Variants in NOL10 observed in about 807,000 individuals in gnomAD.
NOL10 encodes the protein nucleolar protein 10, also known as H_NH0074G24.1.
In NOL10, 58 loss-of-function variants were observed where a neutral mutation model predicts 103.5. The ratio of observed to expected loss-of-function variants is 0.56; its 90% CI spans 0.45 to 0.70. The LOEUF is 0.70. NOL10 is among the 30% of genes least tolerant of loss of function. NOL10 has a pLI of 0.00. For synonymous variants in NOL10, 287 were observed against 282.5 expected (o/e 1.02, Z -0.16); for missense variants, 763 against 807.3 (o/e 0.95, Z 0.67).
chr2:10,682,675 C>T (rs1490605798), intron 2 of NOL10, among the ~76,000 whole-genome samples: 1 of 152,100 alleles, frequency 6.6e-6, no homozygotes, highest in Non-Finnish European at 1.5e-5. Context: ...TCTGGGATTG[C>T]AGGAGTGAGC....
rs1674199002 is a variant in NOL10, at chr2:10,571,941, T to A, written c.*130A>T. On this transcript the variant is annotated 3_prime_UTR_variant, in exon 21 of 21. Transcript: ENST00000381685. ...CACAAGGCACAGGTTTTCAAATCTT[T>A]ACCTCTGTGTACAAGAACGTACATG... The A allele has an allele frequency of 2.7e-6, 3 of 1,131,476 alleles. No individual in the cohort carries two copies. The highest frequency in any genetic ancestry group is 2.4e-5 in the Admixed American group (1 of 40,848). 70.1% of individuals were successfully genotyped at this position (1,131,476 alleles called of 1,614,324 possible).
rs546413961 is a variant in NOL10 at position 10,620,452 on chromosome 2, T to C, written c.1027-13141A>G. Among the ~76,000 whole-genome samples the C allele has an allele frequency of 5.3e-5, 8 of 152,334 alleles. No individual in the cohort carries two copies. The South Asian group carries it at 1.5e-3, about 28-fold the overall frequency. On this transcript the variant is annotated intron_variant, in intron 13 of 20. Transcript: ENST00000381685. The stretch of plus-strand genomic sequence containing the variant: ...TTAACACCATTTAGCAGTTACCGAT[T>C]ATCTTGGGGAGGCGGTCATGCACGG...
chr2:10,624,799 T>C (rs182539802), intron 13 of NOL10, among the ~76,000 whole-genome samples: 36 of 152,296 alleles, frequency 2.4e-4, no homozygotes, highest in African/African-American at 8.4e-4. Context: ...TGAAAACTTA[T>C]GTGCACATAA....
intron 13 of NOL10, among the ~76,000 whole-genome samples, chr2:10,609,119 A>C (rs1676407652): frequency 6.6e-6 from 1 of 152,016 alleles, no homozygotes; most frequent in African/African-American, 2.4e-5. Context: ...CACTGACCAC[A>C]ATCTCCCTGA....
intron 17 of NOL10, among the ~76,000 whole-genome samples, chr2:10,593,940 C>T (rs1558276292): frequency 6.6e-6 from 1 of 152,226 alleles, no homozygotes; most frequent in Admixed American, 6.5e-5. Context: ...GTGCAGTGTC[C>T]TTCCCCAAAC....
intron 13 of NOL10, among the ~76,000 whole-genome samples, chr2:10,608,930 C>A (rs1459605770): frequency 6.6e-6 from 1 of 152,042 alleles, no homozygotes; most frequent in African/African-American, 2.4e-5. Flanking sequence ...TTTTTATATA[C>A]TAAGTGGTTT....
intron 8 of NOL10, among the ~76,000 whole-genome samples, chr2:10,665,705 A>G (rs1454030226): frequency 6.6e-6 from 1 of 152,180 alleles, no homozygotes; most frequent in African/African-American, 2.4e-5. Context: ...AGGACCCTAA[A>G]AACTATTTTC....
chr2:10,658,073 G>A (rs1396407959), intron 10 of NOL10, among the ~76,000 whole-genome samples, 182 bp from the exon 11 acceptor site: 2 of 152,168 alleles, frequency 1.3e-5, no homozygotes, highest in Non-Finnish European at 2.9e-5. Context: ...AATCCTTAGA[G>A]TATACATTTT....
chr2:10,687,141 C>T (rs370923670), intron 1 of NOL10, among the ~76,000 whole-genome samples: 1 of 145,626 alleles, frequency 6.9e-6, no homozygotes, highest in African/African-American at 2.4e-5. Context: ...TGGGGTTCCA[C>T]GTGTAGTTTA....
Position 10,688,234 on chromosome 2 carries a change from C to A in NOL10, c.66+1562G>T, listed in dbSNP as rs561025242. 1.7e-3 allele frequency among the ~76,000 whole-genome samples: 265 copies of A among 152,278 alleles called. 1 individual carries two copies. The highest frequency in any genetic ancestry group is 3.1e-3 in the Non-Finnish European group (209 of 68,026). On this transcript the variant is annotated intron_variant, in intron 1 of 20. Coordinates refer to ENST00000381685, the MANE Select transcript of NOL10 (RefSeq NM_024894.4). ...GCTCACCTGGACTACCTAATTCATCCCGACTTGAACCCTCCCCAGCTAGAC... is the reference window on the plus strand; with the variant it reads ...GCTCACCTGGACTACCTAATTCATCACGACTTGAACCCTCCCCAGCTAGAC...
chr2:10,685,369 T>C (rs929633239), intron 1 of NOL10, among the ~76,000 whole-genome samples: 1 of 151,226 alleles, frequency 6.6e-6, no homozygotes, highest in African/African-American at 2.4e-5. Flanking sequence ...GGTGGGCACC[T>C]GTAATCCCAG....
chr2:10,649,329 T>C (rs1679304370), intron 12 of NOL10, among the ~76,000 whole-genome samples: 1 of 141,690 alleles, frequency 7.1e-6, no homozygotes, highest in Admixed American at 7.1e-5. Context: ...TTTTTTTTTT[T>C]TTTTTTTTTG....
intron 19 of NOL10, among the ~76,000 whole-genome samples, chr2:10,582,853 C>T (rs562955736): frequency 2.0e-5 from 3 of 152,322 alleles, no homozygotes; most frequent in Admixed American, 6.5e-5. Context: ...GTCTATAAAC[C>T]GCTTTCCATC....
At chr2:10,689,748 G>A (rs760639501) in intron 1 of NOL10, 48 bp downstream of exon 1, 4 of 1,546,424 alleles carry the variant, frequency 2.6e-6, no homozygotes, top group Non-Finnish European at 2.6e-6. Flanking sequence ...CCCACGAGGA[G>A]GACGACCCCC....
At chr2:10,585,313 GT>G in intron 19 of NOL10, among the ~76,000 whole-genome samples, 1 of 152,210 alleles carries the variant, frequency 6.6e-6, no homozygotes, top group Non-Finnish European at 1.5e-5. Flanking sequence ...CATAACAGCT[GT>G]ATAAAAAGTG....
chr2:10,673,543 T>G lies in NOL10; in HGVS notation c.304A>C (p.Ile102Leu). 1 of 1,596,940 alleles carries G rather than the reference T, an allele frequency of 6.3e-7. No individual in the cohort carries two copies. Among genetic ancestry groups the G allele is most frequent in the East Asian group, 2.3e-5 (1 of 44,242 alleles). ...CLDSEVVTFE[I>L]LSDDYSKIVF... is the part of the protein sequence containing the mutation. The stretch of plus-strand genomic sequence containing the variant: ...ACCTTTGAGTAGTCATCAGACAAAA[T>G]TTCAAAGGTGACAACTGAAAAACAA... The change falls in exon 5 of 21, where the codon ATT (isoleucine) becomes CTT (leucine). Residue 102 changes from isoleucine to leucine, a missense_variant. Ile to Leu is a conservative substitution (Grantham distance 5). Transcript: ENST00000381685.
rs1301351033 is a variant in NOL10 at position 10,678,889 on chromosome 2, T to TA, written c.212-3019dup. Among the ~76,000 whole-genome samples, 427 of 152,276 alleles carry TA rather than the reference T, an allele frequency of 2.8e-3. 2 individuals carry two copies. Among genetic ancestry groups the TA allele is most frequent in the Non-Finnish European group, 3.5e-3 (240 of 68,006 alleles). The stretch of plus-strand genomic sequence containing the variant: ...TTGTGCTGTCCAATATGGCAGCCAC[T>TA]AGTAATGTGAGGCTAAGTTAAAATG... On this transcript the variant is annotated intron_variant, in intron 3 of 20. Transcript: ENST00000381685.
intron 19 of NOL10, among the ~76,000 whole-genome samples, chr2:10,580,703 G>GCAGA (rs112847736): frequency 6.6e-6 from 1 of 151,526 alleles, no homozygotes; most frequent in African/African-American, 2.4e-5. Context: ...CACCAGGGAG[G>GCAGA]CTAATTTACT....
chr2:10,680,299 A>AGGAGAAGAGGGAGAAGAG (rs1318059594), intron 3 of NOL10, among the ~76,000 whole-genome samples: 1 of 105,064 alleles, frequency 9.5e-6, no homozygotes, highest in Non-Finnish European at 2.0e-5. Context: ...AAGGAGAAGA[A>AGGAGAAGAGGGAGAAGAG]GGAGAAGAGG....
Sources: gnomAD v4.1 joint callset for allele counts (sites outside exome capture counted in the v4.1 genomes callset) on GRCh38, gnomAD v4.1.1 for gene constraint, MANE v1.5 for transcripts, NCBI Gene and HGNC (gene_info 2026-07-23, HGNC 2026-07-21) for gene names.